Variants in SIPA1L3 observed in about 807,000 individuals in gnomAD.
SIPA1L3 encodes the protein signal-induced proliferation-associated 1-like protein 3.
Under a neutral mutation model 150.1 loss-of-function variants are expected in SIPA1L3, and 59 were observed. The observed-to-expected ratio is 0.39, with a 90% CI of 0.32 to 0.49. The LOEUF is 0.49. SIPA1L3 is among the 20% of genes least tolerant of loss of function. The pLI is 0.86. For synonymous variants in SIPA1L3, 1,070 were observed against 1,077.6 expected (o/e 0.99, Z 0.14); for missense variants, 2,211 against 2,489.5 (o/e 0.89, Z 2.38).
Position 38,203,465 on chromosome 19 carries a change from TTCTCTGCAGCGGCCAGG to T in SIPA1L3, c.5121-661_5121-645del, listed in dbSNP as rs1384997897. 1.8e-3 allele frequency among the ~76,000 whole-genome samples: 270 copies of T among 152,280 alleles called. 1 individual carries two copies. Among genetic ancestry groups the T allele is most frequent in the African/African-American group, 6.0e-3 (248 of 41,520 alleles). Reference sequence around the variant, plus strand: ...ACTCCAAGCAGGAAAGGGCTGCGCGTTCTCTGCAGCGGCCAGGCAGGCCCAGGGCTGGGAGGATCTGC... The same window carrying T: ...ACTCCAAGCAGGAAAGGGCTGCGCGTCAGGCCCAGGGCTGGGAGGATCTGC... On this transcript the variant is annotated intron_variant, in intron 20 of 21. Coordinates refer to ENST00000222345, the MANE Select transcript of SIPA1L3 (RefSeq NM_015073.3).
At chr19:37,948,741 C>A (rs988643989) in intron 1 of SIPA1L3, among the ~76,000 whole-genome samples, 8 of 152,136 alleles carry the variant, frequency 5.3e-5, no homozygotes, top group African/African-American at 1.9e-4. Flanking sequence ...ACAACAGATA[C>A]ATGACGTAAT....
intron 13 of SIPA1L3, among the ~76,000 whole-genome samples, chr19:38,157,016 T>C (rs982555384): frequency 1.3e-5 from 2 of 151,368 alleles, no homozygotes; most frequent in East Asian, 3.9e-4. Flanking sequence ...TAAAAAAATA[T>C]AGCTAGGTGT....
intron 2 of SIPA1L3, among the ~76,000 whole-genome samples, chr19:38,038,111 C>G (rs2035358582): frequency 6.6e-6 from 1 of 152,120 alleles, no homozygotes. Context: ...GAAGCTGTTG[C>G]TCTAGTCTAG....
intron 2 of SIPA1L3, among the ~76,000 whole-genome samples, chr19:38,071,194 T>C (rs560200346): frequency 5.1e-4 from 76 of 150,056 alleles, no homozygotes; most frequent in African/African-American, 1.5e-3. Flanking sequence ...TTAATAGTTA[T>C]GTTGTTTTAT....
intron 13 of SIPA1L3, among the ~76,000 whole-genome samples, chr19:38,153,927 C>G (rs1568579603): frequency 1.3e-5 from 2 of 151,994 alleles, no homozygotes; most frequent in Non-Finnish European, 2.9e-5. Context: ...GAGCAAGACT[C>G]TGTCTCAGAA....
At chr19:37,953,084 C>T (rs576985442) in intron 1 of SIPA1L3, among the ~76,000 whole-genome samples, 1 of 151,886 alleles carries the variant, frequency 6.6e-6, no homozygotes, top group African/African-American at 2.4e-5. Flanking sequence ...ATTAGCCAGG[C>T]GTGGTGGCGG....
At chr19:37,962,808 T>G (rs1225103680) in intron 1 of SIPA1L3, among the ~76,000 whole-genome samples, 2 of 152,154 alleles carry the variant, frequency 1.3e-5, no homozygotes, top group Non-Finnish European at 2.9e-5. Flanking sequence ...TGTTTTGTTG[T>G]TGAACACTGA....
intron 1 of SIPA1L3, among the ~76,000 whole-genome samples, chr19:37,984,484 A>C (rs1967294314): frequency 6.6e-6 from 1 of 152,156 alleles, no homozygotes; most frequent in South Asian, 2.1e-4. Context: ...GAAATCCCCC[A>C]GATAGATTAT....
chr19:37,908,449 C>A (rs1280715092), intron 1 of SIPA1L3, among the ~76,000 whole-genome samples: 1 of 152,166 alleles, frequency 6.6e-6, no homozygotes, highest in Non-Finnish European at 1.5e-5. Flanking sequence ...GCCCTGAGCT[C>A]CCCCACACAT....
rs1221481467 is a variant in SIPA1L3, at chr19:38,204,117, G to T, written c.5121-10G>T. The T allele has an allele frequency of 1.3e-6, 2 of 1,554,602 alleles. No homozygotes were observed. The highest frequency in any genetic ancestry group is 1.9e-5 in the Admixed American group (1 of 51,928). On this transcript the variant is annotated splice_polypyrimidine_tract_variant and intron_variant, in intron 20 of 21. Coordinates refer to ENST00000222345, the MANE Select transcript of SIPA1L3 (RefSeq NM_015073.3). ...GGGCCTCAGGCTGACCTTGTCCCTG[G>T]TTTTTCCAGCGAGGAGCCACCCCTG...
chr19:38,048,080 A>G (rs1239351057), intron 2 of SIPA1L3, among the ~76,000 whole-genome samples: 7 of 152,270 alleles, frequency 4.6e-5, no homozygotes, highest in South Asian at 2.1e-4. Flanking sequence ...CCCATACACT[A>G]GGATGAATTG....
rs951158568 is a variant in SIPA1L3, at chr19:38,076,992, C to T, written c.-310-4264C>T. 2.0e-5 allele frequency among the ~76,000 whole-genome samples: 3 copies of T among 152,092 alleles called. No homozygotes were observed. In the East Asian group the frequency reaches 5.8e-4, roughly 29 times the overall value. ...AAAAGTGAAGTCATTACATGGCAAC[C>T]TAAAGCAAAAGGAAGAAGGAGGATC... On this transcript the variant is annotated intron_variant, in intron 2 of 21. Coordinates refer to ENST00000222345, the MANE Select transcript of SIPA1L3 (RefSeq NM_015073.3).
In SIPA1L3 at chr19:37,919,960, T is replaced by A. The variant is rs562284065; in HGVS notation, c.-379+12602T>A. Among the ~76,000 whole-genome samples the A allele has an allele frequency of 7.9e-5, 12 of 152,094 alleles. No individual in the cohort carries two copies. In the East Asian group the frequency reaches 2.3e-3, roughly 29 times the overall value. On this transcript the variant is annotated intron_variant, in intron 1 of 21. Coordinates refer to ENST00000222345, the MANE Select transcript of SIPA1L3 (RefSeq NM_015073.3). Reference sequence around the variant, plus strand: ...CCCGACCTTAGGTGATCTGCCCACCTTGGCCTCCCAAAGTGCTGGGATTAC... The same window carrying A: ...CCCGACCTTAGGTGATCTGCCCACCATGGCCTCCCAAAGTGCTGGGATTAC...
At chr19:38,194,471 C>G (rs547192276) in intron 18 of SIPA1L3, among the ~76,000 whole-genome samples, 3 of 152,280 alleles carry the variant, frequency 2.0e-5, no homozygotes, top group African/African-American at 4.8e-5. Context: ...CCATAGTCCC[C>G]CTACTTAGTG....
At chr19:38,028,849 C>G (rs1029333867) in intron 1 of SIPA1L3, among the ~76,000 whole-genome samples, 8 of 152,082 alleles carry the variant, frequency 5.3e-5, no homozygotes, top group African/African-American at 1.7e-4. Flanking sequence ...CCCACCACCA[C>G]GCCCGGCTAA....
intron 6 of SIPA1L3, chr19:38,106,168 G>A (rs537350547): frequency 2.7e-5 from 7 of 255,012 alleles, no homozygotes; most frequent in East Asian, 1.4e-4. Flanking sequence ...GTGCAGTGGC[G>A]TGATCTCGGC....
chr19:38,088,753 C>G lies in SIPA1L3; in HGVS notation c.1567C>G (p.Leu523Val). ...CAATTACTTCGGCGTGGATGAGAAG[C>G]TGGGGCCAGTGGCTGTGAGCATTAA... ...HANYFGVDEK[L>V]GPVAVSIKRE... is the part of the protein sequence containing the mutation. The change falls in exon 4 of 22, where the codon CTG becomes GTG. Residue 523 changes from leucine to valine, a missense_variant. Coordinates refer to ENST00000222345, the MANE Select transcript of SIPA1L3 (RefSeq NM_015073.3). 6.2e-7 allele frequency: 1 copy of G among 1,614,122 alleles called. No homozygotes were observed. Among genetic ancestry groups the G allele is most frequent in the Non-Finnish European group, 8.5e-7 (1 of 1,179,974 alleles).
At chr19:38,142,483 G>GTCCA in intron 11 of SIPA1L3, 90 bp from the exon 12 acceptor site, 2 of 1,422,382 alleles carry the variant, frequency 1.4e-6, no homozygotes, top group African/African-American at 1.4e-5. Context: ...CTGTCCGTCT[G>GTCCA]TCCATCCATC....
At chr19:38,191,273 G>A (rs1289879639) in intron 16 of SIPA1L3, among the ~76,000 whole-genome samples, 1 of 151,784 alleles carries the variant, frequency 6.6e-6, no homozygotes, top group Admixed American at 6.6e-5. Flanking sequence ...AGTGGCATGC[G>A]CCTGTAGTCC....
Sources: gnomAD v4.1 joint callset for allele counts (sites outside exome capture counted in the v4.1 genomes callset) on GRCh38, gnomAD v4.1.1 for gene constraint, MANE v1.5 for transcripts, NCBI Gene and HGNC (gene_info 2026-07-23, HGNC 2026-07-21) for gene names.